The following OGDHL variants were observed in gnomAD, a reference collection of about 807,000 sequenced individuals.
OGDHL encodes the protein 2-oxoglutarate dehydrogenase-like, mitochondrial.
A neutral mutation model predicts 109.6 loss-of-function variants in OGDHL; 79 were observed. The observed-to-expected ratio is 0.72, with a 90% CI of 0.60 to 0.87. The LOEUF (loss-of-function observed/expected upper bound fraction) is 0.87, where lower values mean the gene tolerates loss of function less well. Among genes scored for constraint, OGDHL ranks in the 40% least tolerant of loss-of-function variants. The pLI is 0.00. For synonymous variants in OGDHL, 528 were observed against 537.2 expected, an observed-to-expected ratio of 0.98 and a Z score of 0.24; for missense variants, 1,275 against 1,362.2, an observed-to-expected ratio of 0.94 and a Z score of 1.01.
Position 49,735,085 on chromosome 10 carries a change from G to A in OGDHL, c.*143C>T. The A allele has an allele frequency of 9.7e-7, 1 of 1,027,572 alleles. No individual in the cohort carries two copies. The allele number at this position is 1,027,572 out of a possible 1,614,324, so 63.7% of individuals were successfully genotyped here. A position where few individuals can be genotyped will look rare whatever the true frequency, so the allele number is the denominator to read the frequency against. ...GCATGACACCAAGGCCAGCAGTGCT[G>A]GCTCTTGGCCCTGTCACTGTGTCTG... On this transcript the variant is annotated 3_prime_UTR_variant, in exon 23 of 23. Transcript: ENST00000374103.
rs752383601 is a variant in OGDHL, at chr10:49,751,875, G to C, written c.701C>G (p.Ser234Cys). ...CAGCAGGGTCCGCTTCTCCTCGCTG[G>C]AGAACTGCATCACACCAGGGGTCTC... ...KFETPGVMQF[S>C]SEEKRTLLAR... The change falls in exon 6 of 23, where the codon TCC becomes TGC. Residue 234 changes from serine (S) to cysteine (C), a missense_variant. Physicochemically the swap from Ser to Cys is moderately radical, Grantham distance 112 (BLOSUM62 -1). Transcript: ENST00000374103. The C allele has an allele frequency of 1.9e-6, 3 of 1,614,144 alleles. No homozygotes were observed. The highest frequency in any genetic ancestry group is 2.5e-6 in the Non-Finnish European group (3 of 1,180,030).
rs1214723832 is a variant in OGDHL, at chr10:49,739,731, C to T, written c.2249G>A (p.Ser750Asn). 3 of 1,614,160 alleles carry T rather than the reference C, an allele frequency of 1.9e-6. No individual in the cohort carries two copies. Among genetic ancestry groups the T allele is most frequent in the South Asian group, 2.2e-5 (2 of 91,070 alleles). Residue 750 changes from serine (S) to asparagine (N), a missense_variant, in exon 17 of 23, where the codon AGC becomes AAC. Transcript: ENST00000374103. ...TAQCIIDQFI[S>N]TGQAKWVRHN... is the part of the protein sequence containing the mutation. ...CCGCACCCACTTGGCCTGGCCGGTGCTGATGAACTGGTCGATGATGCACTG... is the reference window on the plus strand; with the variant it reads ...CCGCACCCACTTGGCCTGGCCGGTGTTGATGAACTGGTCGATGATGCACTG...
intron 9 of OGDHL, 60 bp from the exon 10 acceptor site, chr10:49,746,938 C>T (rs913112127): frequency 1.7e-5 from 27 of 1,611,586 alleles, no homozygotes; most frequent in Middle Eastern, 1.6e-4. Context: ...GCCCAGCCGG[C>T]ACCTGTACTG....
chr10:49,743,705 C>G (rs776744708), intron 14 of OGDHL: 8 of 276,828 alleles, frequency 2.9e-5, no homozygotes, highest in Admixed American at 5.0e-5. Flanking sequence ...CTGCCTGACC[C>G]AGGGACGCCC....
chr10:49,750,333 C>T (rs1036914274), intron 7 of OGDHL, among the ~76,000 whole-genome samples: 4 of 152,204 alleles, frequency 2.6e-5, no homozygotes, highest in Admixed American at 2.0e-4. Context: ...CAGGCTCCAG[C>T]TCAGAGGTAA....
chr10:49,742,358 A>G, intron 15 of OGDHL, among the ~76,000 whole-genome samples: 1 of 113,572 alleles, frequency 8.8e-6, no homozygotes, highest in African/African-American at 3.4e-5. Context: ...GCACCACACA[A>G]CACACCACAC....
chr10:49,748,978 G>A (rs1251331428), intron 8 of OGDHL, among the ~76,000 whole-genome samples: 1 of 152,168 alleles, frequency 6.6e-6, no homozygotes, highest in African/African-American at 2.4e-5. Context: ...GGAGGCCGAG[G>A]CAGGCAGATC....
intron 6 of OGDHL, 104 bp from the exon 7 acceptor site, chr10:49,751,089 A>G: frequency 9.0e-7 from 1 of 1,111,080 alleles, no homozygotes; most frequent in South Asian, 1.6e-5. Flanking sequence ...AATGCTGAGG[A>G]CAGAGGAAGT....
intron 15 of OGDHL, among the ~76,000 whole-genome samples, chr10:49,742,076 C>A (rs748991644): frequency 1.2e-5 from 1 of 83,126 alleles, no homozygotes; most frequent in South Asian, 4.9e-4. Context: ...ACACCACACA[C>A]CCCACACATA....
At chr10:49,740,572 C>G in intron 16 of OGDHL, 138 bp downstream of exon 16, 6 of 1,093,066 alleles carry the variant, frequency 5.5e-6, no homozygotes, top group Non-Finnish European at 7.5e-6. Context: ...AGCCCAATCA[C>G]CATCCCCCAG....
rs202177242 is a variant in OGDHL, at chr10:49,758,388, C to T, written c.204+1G>A. 55 of 1,607,688 alleles carry T rather than the reference C, an allele frequency of 3.4e-5. No homozygotes were observed. The highest frequency in any genetic ancestry group is 4.6e-5 in the Non-Finnish European group (54 of 1,176,132). On this transcript the variant is annotated splice_donor_variant, in intron 2 of 22. Transcript: ENST00000374103. LOFTEE classifies it high-confidence loss of function. The stretch of plus-strand genomic sequence containing the variant: ...GCCCAGGGTAGGGTGGGGATGCTGA[C>T]CTTGTGGACACTCTGGGGGTTTTCC...
intron 15 of OGDHL, 22 bp downstream of exon 15, chr10:49,742,806 T>A: frequency 6.2e-7 from 1 of 1,606,008 alleles, no homozygotes; most frequent in Non-Finnish European, 8.5e-7. Flanking sequence ...CCTGTGCGGA[T>A]GCTGAGCCCC....
At position 49,742,953 on chromosome 10, in the gene OGDHL, A is replaced by G; in HGVS notation, c.1887T>C (p.Arg629=). The G allele has an allele frequency of 6.2e-7, 1 of 1,613,704 alleles. No homozygotes were observed. Among genetic ancestry groups the G allele is most frequent in the African/African-American group, 1.3e-5 (1 of 75,066 alleles). Reference sequence around the variant, plus strand: ...CCGTCCGGTTCTTGGTCATGTCCGCACGGCCCCGCAGAATGCGAGAGAGGC... The same window carrying G: ...CCGTCCGGTTCTTGGTCATGTCCGCGCGGCCCCGCAGAATGCGAGAGAGGC... ...HTGLSRILRG[R]ADMTKNRTVD... The change falls in exon 15 of 23, where the codon CGT becomes CGC. Residue 629 remains arginine (R), a synonymous_variant. Coordinates refer to ENST00000374103, the MANE Select transcript of OGDHL (RefSeq NM_018245.3).
At chr10:49,744,823 T>A in intron 12 of OGDHL, 71 bp from the exon 13 acceptor site, 1 of 1,234,534 alleles carries the variant, frequency 8.1e-7, no homozygotes, top group Non-Finnish European at 1.2e-6. Flanking sequence ...CCACTTGGAC[T>A]CGTAAGTCCT....
intron 2 of OGDHL, among the ~76,000 whole-genome samples, chr10:49,757,516 T>C (rs1323434689): frequency 6.6e-6 from 1 of 152,172 alleles, no homozygotes; most frequent in Non-Finnish European, 1.5e-5. Flanking sequence ...TTTGGGGAAT[T>C]TACCCTACAG....
At position 49,752,724 on chromosome 10, in the gene OGDHL, A is replaced by C. The variant is rs766713148; in HGVS notation, c.392T>G (p.Val131Gly). ...AATGCCCAGGGGGTCCAGCTGGGCC[A>C]CATGGTGACCCCGGATCTGGGAGGA... Reference protein sequence around the residue: ...IRAYQIRGHHVAQLDPLGILD... With the variant: ...IRAYQIRGHHGAQLDPLGILD... The change falls in exon 4 of 23, where the codon GTG becomes GGG. Residue 131 changes from valine to glycine, a missense_variant. Transcript: ENST00000374103. The C allele has an allele frequency of 1.2e-6, 2 of 1,613,998 alleles. No homozygotes were observed. Among genetic ancestry groups the C allele is most frequent in the South Asian group, 2.2e-5 (2 of 91,086 alleles).
At chr10:49,740,503 A>G (rs1413481999) in intron 16 of OGDHL, among the ~76,000 whole-genome samples, 1 of 152,014 alleles carries the variant, frequency 6.6e-6, no homozygotes, top group African/African-American at 2.4e-5. Context: ...CCCAACTGGG[A>G]TCCCCAAGGG....
intron 7 of OGDHL, among the ~76,000 whole-genome samples, chr10:49,750,128 C>G (rs1180617306): frequency 6.6e-6 from 1 of 152,150 alleles, no homozygotes; most frequent in East Asian, 1.9e-4. Flanking sequence ...ATGGGGACCC[C>G]TGCACCATGC....
rs751643938 is a variant in OGDHL at position 49,758,490 on chromosome 10, C to T, written c.103G>A (p.Gly35Arg). The change falls in exon 2 of 23, where the codon GGG (glycine) becomes AGG (arginine). Residue 35 changes from glycine (G) to arginine (R), a missense_variant. Gly to Arg is a moderately radical substitution (Grantham distance 125). Transcript: ENST00000374103. ...CTGCTTGGGAAGGTGGCCGGTGGCCCGGAGGACCTGCTGCGCCAGCCAAAC... is the reference window on the plus strand; with the variant it reads ...CTGCTTGGGAAGGTGGCCGGTGGCCTGGAGGACCTGCTGCGCCAGCCAAAC... ...PVFGWRSRSS[G>R]PPATFPSSKG... is the part of the protein sequence containing the mutation. 2.7e-5 allele frequency: 44 copies of T among 1,613,848 alleles called. No individual in the cohort carries two copies. In the Middle Eastern group the frequency reaches 4.9e-4, roughly 18 times the overall value.
Sources: allele counts gnomAD v4.1 joint callset (sites outside exome capture counted in the v4.1 genomes callset), GRCh38; gene constraint gnomAD v4.1.1; transcripts MANE v1.5; gene names NCBI Gene and HGNC (gene_info 2026-07-23, HGNC 2026-07-21).